TBC1D8: variants seen among roughly 807,000 people sequenced by gnomAD.
TBC1D8 encodes BUB2-like protein 1.
Under a neutral mutation model 118.8 loss-of-function variants are expected in TBC1D8, and 65 were observed. The observed-to-expected ratio is 0.55, with a 90% confidence interval of 0.45 to 0.67. The LOEUF (loss-of-function observed/expected upper bound fraction) is 0.67. Among genes scored for constraint, TBC1D8 ranks in the 30% least tolerant of loss-of-function variants. The pLI is 0.00. For synonymous variants in TBC1D8, 566 were observed against 595.8 expected (o/e 0.95, Z 0.73); for missense variants, 1,376 against 1,471.2 (o/e 0.94, Z 1.06).
intron 5 of TBC1D8, among the ~76,000 whole-genome samples, chr2:101,043,497 T>C (rs1431484553): frequency 6.6e-5 from 10 of 152,222 alleles, no homozygotes; most frequent in Non-Finnish European, 1.5e-4. Context: ...CCTTCCTTCC[T>C]AGCTGGGCAT....
intron 5 of TBC1D8, among the ~76,000 whole-genome samples, chr2:101,043,210 T>C (rs1411502360): frequency 1.3e-5 from 2 of 152,198 alleles, no homozygotes; most frequent in East Asian, 3.9e-4. Context: ...CACGGGCGCC[T>C]GAGCTGCCTC....
chr2:101,127,842 T>G (rs1341528792), intron 1 of TBC1D8, among the ~76,000 whole-genome samples: 1 of 152,180 alleles, frequency 6.6e-6, no homozygotes, highest in Non-Finnish European at 1.5e-5. Context: ...GCTCTTCCCA[T>G]TGTTGCTGCT....
chr2:101,133,125 A>G (rs554374410), intron 1 of TBC1D8, among the ~76,000 whole-genome samples: 109 of 147,636 alleles, frequency 7.4e-4, no homozygotes, highest in African/African-American at 2.5e-3. Context: ...GAGCCACTGC[A>G]CTCCAGCCTG....
intron 11 of TBC1D8, among the ~76,000 whole-genome samples, chr2:101,030,598 G>A (rs1680612104): frequency 6.6e-6 from 1 of 152,206 alleles, no homozygotes; most frequent in Admixed American, 6.5e-5. Context: ...CTGGAACACT[G>A]TGAGTTTCTT....
chr2:101,033,849 G>C (rs191171770), intron 9 of TBC1D8, 91 bp from the exon 10 acceptor site: 114 of 1,413,358 alleles, frequency 8.1e-5, no homozygotes, highest in Admixed American at 1.6e-4. Flanking sequence ...GGACCCCAGT[G>C]GGGTCTCGTT....
chr2:101,020,344 A>G (rs1329959760), intron 17 of TBC1D8, among the ~76,000 whole-genome samples: 2 of 151,076 alleles, frequency 1.3e-5, no homozygotes, highest in African/African-American at 4.8e-5. Flanking sequence ...GATGATGATG[A>G]TATGATGAAG....
At chr2:101,038,344 A>G in intron 7 of TBC1D8, 117 bp downstream of exon 7, 1 of 1,187,402 alleles carries the variant, frequency 8.4e-7, no homozygotes, top group Non-Finnish European at 1.2e-6. Context: ...ACAGCAGACC[A>G]CACACAGGCC....
intron 2 of TBC1D8, among the ~76,000 whole-genome samples, chr2:101,078,340 T>C (rs13430503): frequency 6.6e-6 from 1 of 152,112 alleles, no homozygotes; most frequent in Non-Finnish European, 1.5e-5. Context: ...CACAACCAAA[T>C]GGGTGTGCAG....
rs772359726 is a variant in TBC1D8 at position 101,033,717 on chromosome 2, T to G, written c.1645A>C (p.Asn549His). The change falls in exon 10 of 20, where the codon AAT becomes CAT. Residue 549 changes from asparagine to histidine, a missense_variant. Physicochemically the swap from Asn to His is moderately conservative, Grantham distance 68 (BLOSUM62 1). Coordinates refer to ENST00000409318, the MANE Select transcript of TBC1D8 (RefSeq NM_001330348.2). ...TTCCCCAGGGACTCCTCCACCAGAT[T>G]CCCGTAGTAACCAGGGTGTGAGGCA... ...DLASHPGYYGNLVEESLGKCC... is the reference protein window; with the variant it reads ...DLASHPGYYGHLVEESLGKCC... The G allele has an allele frequency of 6.2e-7, 1 of 1,613,804 alleles. No homozygotes were observed. The highest frequency in any genetic ancestry group is 1.1e-5 in the South Asian group (1 of 91,066).
At chr2:101,150,633 C>A (rs1052683500) in intron 1 of TBC1D8, among the ~76,000 whole-genome samples, 5 of 152,214 alleles carry the variant, frequency 3.3e-5, no homozygotes, top group Admixed American at 1.3e-4. Context: ...GGAGACAGTT[C>A]CCGCTCACCG....
chr2:101,122,385 A>C (rs1678163653), intron 1 of TBC1D8, among the ~76,000 whole-genome samples: 1 of 43,450 alleles, frequency 2.3e-5, no homozygotes, highest in Non-Finnish European at 4.8e-5. Flanking sequence ...CTCCATTTCA[A>C]AAAAAAAAAA....
At chr2:101,033,286 T>G in intron 10 of TBC1D8, 1 of 506,746 alleles carries the variant, frequency 2.0e-6, no homozygotes, top group Non-Finnish European at 3.6e-6. Context: ...CCAGCTAATT[T>G]TTGTATTTTT....
At chr2:101,018,669 G>A (rs1012061996) in intron 17 of TBC1D8, among the ~76,000 whole-genome samples, 6 of 152,302 alleles carry the variant, frequency 3.9e-5, no homozygotes, top group Non-Finnish European at 1.5e-5. Context: ...CTCAGAGTTC[G>A]CAGAAGGAAC....
chr2:101,091,185 C>T (rs949574404), intron 1 of TBC1D8, among the ~76,000 whole-genome samples: 2 of 151,318 alleles, frequency 1.3e-5, no homozygotes, highest in Admixed American at 6.6e-5. Context: ...CTCGGGAGGC[C>T]GAGGCAAGAG....
chr2:101,122,937 C>G (rs574121897), intron 1 of TBC1D8, among the ~76,000 whole-genome samples: 1 of 111,182 alleles, frequency 9.0e-6, no homozygotes, highest in Non-Finnish European at 2.2e-5. Flanking sequence ...AGAAAAACAT[C>G]AGGCCCCGCA....
At chr2:101,069,905 A>C (rs1258403235) in intron 2 of TBC1D8, among the ~76,000 whole-genome samples, 2 of 138,656 alleles carry the variant, frequency 1.4e-5, no homozygotes, top group Non-Finnish European at 3.0e-5. Flanking sequence ...ATTTATATAC[A>C]GAGCATGTTT....
At chr2:101,086,584 T>C (rs1029133675) in intron 2 of TBC1D8, among the ~76,000 whole-genome samples, 1 of 148,280 alleles carries the variant, frequency 6.7e-6, no homozygotes, top group Non-Finnish European at 1.5e-5. Context: ...AAAAAAACAA[T>C]CGGTGCTGCC....
chr2:101,018,923 C>G, intron 17 of TBC1D8: 1 of 1,563,650 alleles, frequency 6.4e-7, no homozygotes. Context: ...TGTTGATGTC[C>G]TAATCTTCTG....
At chr2:101,031,712 G>A (rs920333841) in intron 11 of TBC1D8, among the ~76,000 whole-genome samples, 2 of 152,238 alleles carry the variant, frequency 1.3e-5, no homozygotes, top group East Asian at 1.9e-4. Flanking sequence ...AGCAGCCAAC[G>A]AGCTTTCTTA....
Sources: allele counts gnomAD v4.1 joint callset (sites outside exome capture counted in the v4.1 genomes callset), GRCh38; gene constraint gnomAD v4.1.1; transcripts MANE v1.5; gene names NCBI Gene and HGNC (gene_info 2026-07-23, HGNC 2026-07-21).